Variants in DAB2IP observed in about 807,000 individuals in gnomAD.
The protein encoded by DAB2IP is disabled homolog 2-interacting protein.
A neutral mutation model predicts 107.2 loss-of-function variants in DAB2IP; 28 were observed. The ratio of observed to expected loss-of-function variants is 0.26; its 90% CI spans 0.19 to 0.36. DAB2IP has a LOEUF of 0.36. Among genes scored for constraint, DAB2IP ranks in the 10% least tolerant of loss-of-function variants. The pLI, the probability that DAB2IP is intolerant of heterozygous loss-of-function variation, is 1.00. For missense variants in DAB2IP, 1,400 were observed against 1,644.7 expected, an observed-to-expected ratio of 0.85 and a Z score of 2.57; for synonymous variants, 755 against 706.4, an observed-to-expected ratio of 1.07 and a Z score of -1.09.
Position 121,782,154 on chromosome 9 carries a change from C to G in DAB2IP, c.3403-177C>G, listed in dbSNP as rs1835707435. ...TTGGGCTGATAAGCAGGCAGCGAGG[C>G]TGTGTCCATGATGCTGCAGAGGCCT... is the stretch of plus-strand genomic sequence containing the variant. On this transcript the variant is annotated intron_variant, in intron 15 of 15. Coordinates refer to ENST00000408936, the Ensembl canonical transcript of DAB2IP. The surrounding 1 kb of genome is among the most constrained non-coding windows in gnomAD (Gnocchi z 6.1). Among the ~76,000 whole-genome samples, 2 of 152,148 alleles carry G rather than the reference C, an allele frequency of 1.3e-5. No homozygotes were observed. The highest frequency in any genetic ancestry group is 2.9e-5 in the Non-Finnish European group (2 of 68,002).
chr9:121,717,801 TC>T (rs1303127153), intron 3 of DAB2IP, among the ~76,000 whole-genome samples: 1 of 152,148 alleles, frequency 6.6e-6, no homozygotes, highest in Non-Finnish European at 1.5e-5. Context: ...GTCCTGGACT[TC>T]CTGCTGTTCC....
chr9:121,732,543 A>ATAGGTGG (rs1346877921), intron 3 of DAB2IP, among the ~76,000 whole-genome samples: 1 of 152,080 alleles, frequency 6.6e-6, no homozygotes, highest in East Asian at 1.9e-4. Flanking sequence ...GGGGAACTGA[A>ATAGGTGG]TAGGTGGTGA....
rs909405817 is a variant in DAB2IP, at chr9:121,758,155, T to C, written c.517-743T>C. Among the ~76,000 whole-genome samples, 3 of 151,816 alleles carry C rather than the reference T, an allele frequency of 2.0e-5. 1 individual carries two copies. Among genetic ancestry groups the C allele is most frequent in the Admixed American group, 2.0e-4 (3 of 15,258 alleles). On this transcript the variant is annotated intron_variant, in intron 4 of 15. Transcript: ENST00000408936. ...AGGCCCTCGAATGCCGTGTGAGGAG[T>C]GTGCTTCCCCTGCAGAGACCCGGGT...
rs1175751826 is a variant in DAB2IP, at chr9:121,701,006, T to G, written c.362+1548T>G. On this transcript the variant is annotated intron_variant, in intron 3 of 15. Transcript: ENST00000408936. This position sits in a 1 kb window ranked among gnomAD's most constrained non-coding sequence, Gnocchi z 4.7. ...CAGGCCACCCGGTTTGCTGCCTTCC[T>G]CCCTCCACCGGGCCCCTGCCTTCGG... Among the ~76,000 whole-genome samples the G allele has an allele frequency of 6.6e-6, 1 of 152,208 alleles. No individual in the cohort carries two copies. Among genetic ancestry groups the G allele is most frequent in the Non-Finnish European group, 1.5e-5 (1 of 68,036 alleles).
At chr9:121,677,338 GGAAACCC>G (rs1833959850) in intron 1 of DAB2IP, among the ~76,000 whole-genome samples, 1 of 152,164 alleles carries the variant, frequency 6.6e-6, no homozygotes, top group African/African-American at 2.4e-5. Context: ...GGGCAACAAA[GGAAACCC>G]CCATCTCTAC....
chr9:121,773,322 C>T lies in DAB2IP; in HGVS notation c.2794C>T (p.Arg932Cys), dbSNP rs754653629. ...ACCCCCGCCGCCACCTCCTGCCCCC[C>T]GCGGCCGGACGCCCCCCAACCTGCT... Residue 932 changes from arginine to cysteine, a missense_variant, in exon 12 of 16, where the codon CGC becomes TGC. This residue lies in a region of DAB2IP where 600 missense variants were observed against 659.1 expected (regional missense o/e 0.91). Transcript: ENST00000408936. 2.4e-5 allele frequency: 36 copies of T among 1,531,670 alleles called. No homozygotes were observed. Among genetic ancestry groups the T allele is most frequent in the East Asian group, 4.8e-5 (2 of 41,744 alleles). 94.9% of individuals were successfully genotyped at this position (1,531,670 alleles called of 1,614,324 possible).
At chr9:121,709,332 A>G (rs539017824) in intron 3 of DAB2IP, among the ~76,000 whole-genome samples, 1 of 152,026 alleles carries the variant, frequency 6.6e-6, no homozygotes, top group Non-Finnish European at 1.5e-5. Context: ...TGCTCTGTTC[A>G]TGGCAAGCTG....
chr9:121,758,495 T>C (rs1180226825), intron 4 of DAB2IP, among the ~76,000 whole-genome samples: 3 of 152,218 alleles, frequency 2.0e-5, no homozygotes, highest in African/African-American at 7.2e-5. Context: ...CCTTGGTTCT[T>C]GTGGTTCCGC....
chr9:121,772,723 C>A lies in DAB2IP; in HGVS notation c.2195C>A (p.Ala732Asp), dbSNP rs1490165203. The A allele has an allele frequency of 6.2e-7, 1 of 1,613,902 alleles. No homozygotes were observed. Among genetic ancestry groups the A allele is most frequent in the Non-Finnish European group, 8.5e-7 (1 of 1,180,022 alleles). Reference sequence around the variant, plus strand: ...GCCCGCAGCTCGAGTTACTCGGAAGCCAACGAGCCTGATCTTCAGATGGCC... The same window carrying A: ...GCCCGCAGCTCGAGTTACTCGGAAGACAACGAGCCTGATCTTCAGATGGCC... The change falls in exon 12 of 16, where the codon GCC becomes GAC. Residue 732 changes from alanine to aspartate, a missense_variant. By Grantham distance (126) the Ala-to-Asp change is moderately radical. This residue lies in a region of DAB2IP where 600 missense variants were observed against 659.1 expected (regional missense o/e 0.91). Transcript: ENST00000408936. This position sits in a 1 kb window ranked among gnomAD's most constrained non-coding sequence, Gnocchi z 4.7.
chr9:121,712,991 A>G, intron 3 of DAB2IP, among the ~76,000 whole-genome samples: 1 of 152,206 alleles, frequency 6.6e-6, no homozygotes. Context: ...TTCCACCTGG[A>G]GCGGCCCCTG....
intron 11 of DAB2IP, among the ~76,000 whole-genome samples, chr9:121,771,431 C>G (rs1436786578): frequency 2.0e-5 from 3 of 152,120 alleles, no homozygotes; most frequent in Non-Finnish European, 4.4e-5. Flanking sequence ...GTGGTCTCCC[C>G]CAAGGTGGTG....
At chr9:121,708,061 C>G (rs1830149592) in intron 3 of DAB2IP, among the ~76,000 whole-genome samples, 1 of 152,218 alleles carries the variant, frequency 6.6e-6, no homozygotes, top group Non-Finnish European at 1.5e-5. Flanking sequence ...CCCAGACCTT[C>G]TGAATTATAC....
At chr9:121,779,730 T>A (rs1835457582) in intron 14 of DAB2IP, among the ~76,000 whole-genome samples, 2 of 152,248 alleles carry the variant, frequency 1.3e-5, no homozygotes, top group African/African-American at 4.8e-5. Context: ...TTTCGTGTTC[T>A]CCTTTCTGAC....
At chr9:121,688,302 G>A (rs1057197743) in intron 2 of DAB2IP, among the ~76,000 whole-genome samples, 4 of 152,362 alleles carry the variant, frequency 2.6e-5, no homozygotes, top group East Asian at 3.9e-4. Flanking sequence ...TGTGGAGGTG[G>A]CAGCAGTGAC....
chr9:121,774,563 C>T, intron 13 of DAB2IP, 151 bp downstream of exon 13: 1 of 922,670 alleles, frequency 1.1e-6, no homozygotes, highest in Non-Finnish European at 1.6e-6. Context: ...GTGAGAATAG[C>T]AGTCAGTGGG....
chr9:121,756,964 C>T (rs1833539152), intron 3 of DAB2IP, 49 bp from the exon 4 acceptor site: 1 of 1,611,988 alleles, frequency 6.2e-7, no homozygotes, highest in East Asian at 2.2e-5. Flanking sequence ...TGGCAACCAG[C>T]TTGACCCGGG....
intron 3 of DAB2IP, among the ~76,000 whole-genome samples, chr9:121,743,655 C>G (rs1448298663): frequency 1.3e-5 from 2 of 152,176 alleles, no homozygotes; most frequent in Non-Finnish European, 2.9e-5. Flanking sequence ...GAGCAGCGGA[C>G]AGCAGGAAGG....
rs566456259 is a variant in DAB2IP, at chr9:121,740,339, G to A, written c.363-16674G>A. Among the ~76,000 whole-genome samples the A allele has an allele frequency of 2.6e-5, 4 of 152,274 alleles. No individual in the cohort carries two copies. The East Asian group carries it at 5.8e-4, about 22-fold the overall frequency. On this transcript the variant is annotated intron_variant, in intron 3 of 15. Coordinates refer to ENST00000408936, the Ensembl canonical transcript of DAB2IP. Reference sequence around the variant, plus strand: ...AGGCTTGCTCACTGTGCCCTGTCACGTTTTTGGACTGAATGCTGAGTCTGT... The same window carrying A: ...AGGCTTGCTCACTGTGCCCTGTCACATTTTTGGACTGAATGCTGAGTCTGT...
At chr9:121,681,526 C>T (rs947255382) in intron 2 of DAB2IP, among the ~76,000 whole-genome samples, 8 of 152,078 alleles carry the variant, frequency 5.3e-5, no homozygotes, top group East Asian at 1.9e-4. Flanking sequence ...GGATGGAGAG[C>T]GTGTTCAAGG....
Sources: allele counts gnomAD v4.1 joint callset (sites outside exome capture counted in the v4.1 genomes callset), GRCh38; gene constraint gnomAD v4.1.1; regional missense constraint gnomAD v4.1.1; non-coding constraint Gnocchi (gnomAD v3.1); transcripts MANE v1.5; gene names NCBI Gene and HGNC (gene_info 2026-07-23, HGNC 2026-07-21).